The following SAMTOR variants were observed in gnomAD, a reference collection of about 807,000 sequenced individuals.
SAMTOR encodes UPF0532 protein C7orf60.
At chr7:112,902,416 C>CAAAAAAAA in the SAMTOR span, among the ~76,000 whole-genome samples, 133 of 12,264 alleles carry the variant, frequency 0.011, 21 homozygotes, top group East Asian at 0.037. Context: ...AACTCCGTCT[C>CAAAAAAAA]AAAAAAAAAA....
chr7:112,822,340 G>C, the SAMTOR span: 1 of 1,607,728 alleles, frequency 6.2e-7, no homozygotes, highest in Non-Finnish European at 8.5e-7. Context: ...GGTTGCTGAA[G>C]CTGTAAGTTC....
chr7:112,836,268 TGGACAC>T, the SAMTOR span, among the ~76,000 whole-genome samples: 1 of 152,164 alleles, frequency 6.6e-6, no homozygotes, highest in Non-Finnish European at 1.5e-5. Context: ...ATATGCTTGT[TGGACAC>T]GTTTGTCTTC....
the SAMTOR span, among the ~76,000 whole-genome samples, chr7:112,939,017 CT>C: frequency 6.6e-6 from 1 of 152,188 alleles, no homozygotes; most frequent in Non-Finnish European, 1.5e-5. Flanking sequence ...AGCCCGCCCC[CT>C]TTTAACAATG....
chr7:112,829,762 T>C, the SAMTOR span, among the ~76,000 whole-genome samples: 1 of 152,218 alleles, frequency 6.6e-6, no homozygotes, highest in African/African-American at 2.4e-5. Context: ...AGGCAAATTA[T>C]TCTCCATTAT....
the SAMTOR span, chr7:112,939,626 C>T: frequency 6.2e-7 from 1 of 1,613,936 alleles, no homozygotes; most frequent in Admixed American, 1.7e-5. Context: ...CCGGTGGACG[C>T]TCTTCACCAC....
chr7:112,857,845 G>C, the SAMTOR span, among the ~76,000 whole-genome samples: 1 of 152,154 alleles, frequency 6.6e-6, no homozygotes, highest in African/African-American at 2.4e-5. Context: ...GAACCTGTAA[G>C]TGCACACACT....
At chr7:112,882,849 C>T in the SAMTOR span, among the ~76,000 whole-genome samples, 1 of 149,820 alleles carries the variant, frequency 6.7e-6, no homozygotes. Context: ...GGATCACCTC[C>T]AATATTAAAA....
At chr7:112,871,267 G>C in the SAMTOR span, among the ~76,000 whole-genome samples, 1 of 152,106 alleles carries the variant, frequency 6.6e-6, no homozygotes, top group Non-Finnish European at 1.5e-5. Flanking sequence ...CACATGCTCA[G>C]TTATAAAGCA....
chr7:112,876,237 G>C, the SAMTOR span, among the ~76,000 whole-genome samples: 1 of 152,104 alleles, frequency 6.6e-6, no homozygotes, highest in Non-Finnish European at 1.5e-5. Context: ...TAGAATTACA[G>C]GCATGCACCA....
chr7:112,905,634 A>G, the SAMTOR span, among the ~76,000 whole-genome samples: 62 of 152,306 alleles, frequency 4.1e-4, no homozygotes, highest in Non-Finnish European at 6.6e-4. Flanking sequence ...AAAATCCACT[A>G]ATATAATTCA....
chr7:112,853,168 C>T, the SAMTOR span, among the ~76,000 whole-genome samples: 1,619 of 152,116 alleles, frequency 0.011, 29 homozygotes, highest in African/African-American at 0.037. Context: ...ATTCTTTAGA[C>T]AAATTTATGC....
chr7:112,832,919 C>G, the SAMTOR span, among the ~76,000 whole-genome samples: 4 of 151,850 alleles, frequency 2.6e-5, no homozygotes, highest in Admixed American at 2.0e-4. Context: ...AAAAGTACAG[C>G]CTTGTTTTAT....
At chr7:112,881,331 C>T in the SAMTOR span, among the ~76,000 whole-genome samples, 3 of 152,184 alleles carry the variant, frequency 2.0e-5, no homozygotes, top group Non-Finnish European at 4.4e-5. Context: ...GAAGCCCCAC[C>T]TTCAAGCCAG....
chr7:112,885,433 T>C, the SAMTOR span, among the ~76,000 whole-genome samples: 4 of 152,284 alleles, frequency 2.6e-5, no homozygotes, highest in African/African-American at 9.6e-5. Context: ...CTTGAGCACT[T>C]TGCCACTTAG....
chr7:112,901,515 A>G, the SAMTOR span, among the ~76,000 whole-genome samples: 2 of 152,300 alleles, frequency 1.3e-5, no homozygotes, highest in East Asian at 3.9e-4. Context: ...TTCATTATAT[A>G]TTACAATGTA....
chr7:112,920,460 A>T, the SAMTOR span, among the ~76,000 whole-genome samples: 263 of 147,370 alleles, frequency 1.8e-3, no homozygotes, highest in African/African-American at 6.4e-3. Context: ...CAAAATAATA[A>T]GAGCTATCTA....
chr7:112,849,538 A>C, the SAMTOR span, among the ~76,000 whole-genome samples: 82 of 152,312 alleles, frequency 5.4e-4, no homozygotes, highest in African/African-American at 1.8e-3. Context: ...ATATAATTTC[A>C]TCAGCAAACA....
the SAMTOR span, among the ~76,000 whole-genome samples, chr7:112,873,198 C>A: frequency 6.6e-6 from 1 of 151,630 alleles, no homozygotes; most frequent in Non-Finnish European, 1.5e-5. Context: ...TTATTTTTCA[C>A]AGAATTAAAA....
At chr7:112,819,813 T>C in the SAMTOR span, 9 of 152,570 alleles carry the variant, frequency 5.9e-5, no homozygotes, top group Non-Finnish European at 1.0e-4. Context: ...TGTTTTCATT[T>C]ACTTTCAAAG....
Sources: allele counts gnomAD v4.1 joint callset (sites outside exome capture counted in the v4.1 genomes callset), GRCh38; gene constraint gnomAD v4.1.1; transcripts MANE v1.5; gene names NCBI Gene and HGNC (gene_info 2026-07-23, HGNC 2026-07-21).